SGSH: variants seen among roughly 807,000 people sequenced by gnomAD.
SGSH encodes N-sulfoglucosamine sulfohydrolase.
In SGSH, 48 loss-of-function variants were observed where a neutral mutation model predicts 51.0. That is an observed-to-expected ratio of 0.94 (90% CI 0.75 to 1.20). SGSH has a LOEUF of 1.20. SGSH is among the 50% of genes most tolerant of loss of function. The pLI, the probability that SGSH is intolerant of heterozygous loss-of-function variation, is 0.00. For synonymous variants in SGSH, 321 were observed against 313.4 expected (o/e 1.02, Z -0.26); for missense variants, 662 against 717.8 (o/e 0.92, Z 0.89).
chr17:80,201,690 G>A, the SGSH span: 3 of 1,608,570 alleles, frequency 1.9e-6, no homozygotes, highest in Middle Eastern at 3.3e-4. This position sits in a 1 kb window ranked among gnomAD's most constrained non-coding sequence, Gnocchi z 5.0. Flanking sequence ...TCTGTCTTCT[G>A]GCTGGATTCA....
chr17:80,204,182 T>C, downstream of SGSH: 1 of 1,527,122 alleles, frequency 6.5e-7, no homozygotes, highest in Non-Finnish European at 8.9e-7. Flanking sequence ...TTCCTGTTGA[T>C]GGCTTCAACA....
At chr17:80,205,670 G>A (rs1345671565), downstream of SGSH, 1 of 1,535,650 alleles carries the variant, frequency 6.5e-7, no homozygotes, top group Non-Finnish European at 8.8e-7. Context: ...CAAGGGCGGG[G>A]TGGGCAGGGG....
Position 80,212,302 on chromosome 17 carries a change from T to C in SGSH, c.746-28A>G. 1 of 1,576,472 alleles carries C rather than the reference T, an allele frequency of 6.3e-7. No homozygotes were observed. Among genetic ancestry groups the C allele is most frequent in the Non-Finnish European group, 8.6e-7 (1 of 1,159,874 alleles). On this transcript the variant is annotated intron_variant, in intron 6 of 7. Transcript: ENST00000326317. This position sits in a 1 kb window ranked among gnomAD's most constrained non-coding sequence, Gnocchi z 5.9. Reference sequence around the variant, plus strand: ...GTGGTGAGGGGCCGAGAAGCAGAGCTCAGCCGCAGACACGGAGGGAGGCAG... The same window carrying C: ...GTGGTGAGGGGCCGAGAAGCAGAGCCCAGCCGCAGACACGGAGGGAGGCAG...
chr17:80,210,933 A>AG lies in SGSH; in HGVS notation c.1027dup (p.Leu343ProfsTer159), dbSNP rs778700037. 94 of 1,607,294 alleles carry AG rather than the reference A, an allele frequency of 5.8e-5. No homozygotes were observed. Among genetic ancestry groups the AG allele is most frequent in the Non-Finnish European group, 7.6e-5 (90 of 1,179,946 alleles). ...CGCCGGCAGGAGGGACCGGCCAGTG[A>AG]GGTGGATGGTCTTCGAGCCAAAGAT... On this transcript the variant is annotated frameshift_variant, in exon 8 of 8. Transcript: ENST00000326317. LOFTEE classifies it high-confidence loss of function.
chr17:80,210,831 C>T lies in SGSH; in HGVS notation c.1130G>A (p.Arg377His), dbSNP rs746037899. The T allele has an allele frequency of 1.6e-5, 26 of 1,613,840 alleles. No homozygotes were observed. Among genetic ancestry groups the T allele is most frequent in the South Asian group, 2.2e-5 (2 of 91,086 alleles). Residue 377 changes from arginine to histidine, a missense_variant, in exon 8 of 8, where the codon CGC becomes CAC. By Grantham distance (29) the Arg-to-His change is conservative (BLOSUM62 0). Transcript: ENST00000326317. ...HHEVTMSYPM[R>H]SVQHRHFRLV... ...GCGGAAGTGCCGGTGCTGCACGGAGCGCATGGGGTAGGACATGGTGACCTC... is the reference window on the plus strand; with the variant it reads ...GCGGAAGTGCCGGTGCTGCACGGAGTGCATGGGGTAGGACATGGTGACCTC...
chr17:80,204,656 C>A, downstream of SGSH: 1 of 386,702 alleles, frequency 2.6e-6, no homozygotes. Flanking sequence ...GAGAGGAGTA[C>A]AGGACAGAGG....
At chr17:80,201,647 G>A in the SGSH span, 1 of 1,315,954 alleles carries the variant, frequency 7.6e-7, no homozygotes, top group South Asian at 1.2e-5. The surrounding 1 kb of genome is among the most constrained non-coding windows in gnomAD (Gnocchi z 5.0). Context: ...CGGCAGGGCT[G>A]GCCCGCGCCT....
At chr17:80,216,286 A>G (rs1049716548) in intron 2 of SGSH, among the ~76,000 whole-genome samples, 1 of 151,954 alleles carries the variant, frequency 6.6e-6, no homozygotes, top group Non-Finnish European at 1.5e-5. Context: ...CCACGATCGC[A>G]CCACAGCACT....
downstream of SGSH, chr17:80,207,033 T>C (rs2144607642): frequency 1.9e-6 from 3 of 1,614,026 alleles, no homozygotes; most frequent in Non-Finnish European, 2.5e-6. Context: ...GATGGACATC[T>C]TCCCCATCGT....
chr17:80,207,318 G>C (rs7221289), downstream of SGSH, among the ~76,000 whole-genome samples: 2 of 151,832 alleles, frequency 1.3e-5, no homozygotes, highest in African/African-American at 4.8e-5. Context: ...TGGGAGGCCA[G>C]GGTGGGCAGA....
downstream of SGSH, chr17:80,203,617 C>A: frequency 1.9e-6 from 1 of 519,172 alleles, no homozygotes; most frequent in Non-Finnish European, 3.4e-6. The surrounding 1 kb of genome is among the most constrained non-coding windows in gnomAD (Gnocchi z 4.6). Flanking sequence ...TGGGCCGAGG[C>A]CCTGGAGTCT....
chr17:80,212,201 G>A lies in SGSH; in HGVS notation c.819C>T (p.Asp273=). The change falls in exon 7 of 8, where the codon GAC becomes GAT. Residue 273 remains aspartate (D), a synonymous_variant. Coordinates refer to ENST00000326317, the MANE Select transcript of SGSH (RefSeq NM_000199.5). This position sits in a 1 kb window ranked among gnomAD's most constrained non-coding sequence, Gnocchi z 5.9. The part of the protein sequence containing the change: ...LNDTLVIFTS[D]NGIPFPSGRT... ...TGCCGCTGGGGAAGGGGATCCCGTT[G>A]TCGGACGTGAAGATCACCAGTGTGT... 1 of 1,613,470 alleles carries A rather than the reference G, an allele frequency of 6.2e-7. No homozygotes were observed. Among genetic ancestry groups the A allele is most frequent in the Non-Finnish European group, 8.5e-7 (1 of 1,180,020 alleles).
At chr17:80,204,639 A>T (rs570886248), downstream of SGSH, 32 of 333,458 alleles carry the variant, frequency 9.6e-5, no homozygotes, top group African/African-American at 4.0e-4. Context: ...AAAAAAAAAA[A>T]TTTCAGGAGA....
At chr17:80,219,799 A>T (rs1039029801) in intron 1 of SGSH, 1 of 165,050 alleles carries the variant, frequency 6.1e-6, no homozygotes, top group African/African-American at 2.4e-5. Context: ...CCTTGGGATA[A>T]GGGAAAAGAC....
intron 1 of SGSH, among the ~76,000 whole-genome samples, chr17:80,219,205 AAGGAAAAGG>A (rs1215144273): frequency 6.6e-6 from 1 of 151,662 alleles, no homozygotes; most frequent in Non-Finnish European, 1.5e-5. Flanking sequence ...AGGAAAAAGA[AAGGAAAAGG>A]AAGTGAGACC....
intron 2 of SGSH, chr17:80,216,707 T>G (rs1207482664): frequency 5.5e-6 from 2 of 362,938 alleles, no homozygotes; most frequent in Non-Finnish European, 1.1e-5. Context: ...ACTAAGTGTT[T>G]ACATACAAAG....
Position 80,210,157 on chromosome 17 carries a change from CG to C in SGSH, c.*294del. ...GGGGCGCTGCCCTGTCCGCAGACCACGTATGTCTAGAATTCCCGTGCTGGGA... is the reference window on the plus strand; with the variant it reads ...GGGGCGCTGCCCTGTCCGCAGACCACTATGTCTAGAATTCCCGTGCTGGGA... On this transcript the variant is annotated 3_prime_UTR_variant, in exon 8 of 8. Coordinates refer to ENST00000326317, the MANE Select transcript of SGSH (RefSeq NM_000199.5). 1 of 1,336,044 alleles carries C rather than the reference CG, an allele frequency of 7.5e-7. No individual in the cohort carries two copies. The highest frequency in any genetic ancestry group is 9.6e-7 in the Non-Finnish European group (1 of 1,038,844). The allele number at this position is 1,336,044 out of a possible 1,614,324, so 82.8% of individuals were successfully genotyped here.
chr17:80,216,727 C>T, intron 2 of SGSH: 5 of 455,508 alleles, frequency 1.1e-5, no homozygotes, highest in South Asian at 7.9e-5. Context: ...GCATTAGCCC[C>T]GCCAATCTCC....
intron 1 of SGSH, chr17:80,219,891 C>G (rs2042074126): frequency 7.4e-6 from 2 of 269,892 alleles, no homozygotes; most frequent in Non-Finnish European, 1.4e-5. Context: ...GAGCACCAGC[C>G]CCTCCTCTGG....
Sources: allele counts gnomAD v4.1 joint callset (sites outside exome capture counted in the v4.1 genomes callset), GRCh38; gene constraint gnomAD v4.1.1; non-coding constraint Gnocchi (gnomAD v3.1); transcripts MANE v1.5; gene names NCBI Gene and HGNC (gene_info 2026-07-23, HGNC 2026-07-21).